Variants in UBR3 observed in about 807,000 individuals in gnomAD.
UBR3 encodes the protein ubiquitin protein ligase E3 component n-recognin 3.
UBR3 carries 85 observed loss-of-function variants against 243.2 expected under a neutral mutation model. That is an observed-to-expected ratio of 0.35 (90% CI 0.29 to 0.42). UBR3 has a LOEUF of 0.42. Ranked by LOEUF, UBR3 falls within the 10% of genes least tolerant of loss-of-function variation. The pLI, the probability that UBR3 is intolerant of heterozygous loss-of-function variation, is 1.00. For missense variants in UBR3, 1,686 were observed against 2,300.8 expected, an observed-to-expected ratio of 0.73 and a Z score of 5.47; for synonymous variants, 748 against 799.8, an observed-to-expected ratio of 0.94 and a Z score of 1.09.
At chr2:169,950,241 T>G (rs1322228649) in intron 23 of UBR3, among the ~76,000 whole-genome samples, 176 bp downstream of exon 23, 1 of 152,024 alleles carries the variant, frequency 6.6e-6, no homozygotes, top group Admixed American at 6.6e-5. Flanking sequence ...ATGTATTGAG[T>G]TTATTGATGG....
chr2:169,949,366 G>A (rs1452848734), intron 22 of UBR3: 3 of 365,234 alleles, frequency 8.2e-6, no homozygotes, highest in Non-Finnish European at 1.5e-5. Flanking sequence ...GTTTTCAGAA[G>A]GTTGAAAAGG....
intron 1 of UBR3, among the ~76,000 whole-genome samples, chr2:169,871,696 C>T (rs1241622066): frequency 2.2e-5 from 3 of 139,378 alleles, no homozygotes; most frequent in African/African-American, 7.7e-5. Context: ...TGCAATGAGC[C>T]GAGATTGTGC....
intron 1 of UBR3, among the ~76,000 whole-genome samples, chr2:169,856,805 A>G (rs1414658298): frequency 2.0e-5 from 3 of 146,918 alleles, no homozygotes; most frequent in African/African-American, 7.5e-5. Flanking sequence ...TCGGCTTGGC[A>G]TCAGAGGGAG....
chr2:170,045,995 G>A (rs1389496546), intron 32 of UBR3, among the ~76,000 whole-genome samples: 2 of 127,388 alleles, frequency 1.6e-5, no homozygotes, highest in Non-Finnish European at 3.2e-5. Flanking sequence ...TTTGGAGACA[G>A]TTTCTCTCTC....
chr2:169,933,145 T>C, intron 19 of UBR3, 137 bp downstream of exon 19: 1 of 598,438 alleles, frequency 1.7e-6, no homozygotes. Flanking sequence ...AATTTAAGGT[T>C]TAAAAAATAA....
chr2:169,852,850 C>CAAAAA lies in UBR3; in HGVS notation c.546-19362_546-19358dup, dbSNP rs869283640. ...TGGGTGAAAGAGTGAGACTTCATCT[C>CAAAAA]AAAAAAAAAAAAAAAAAAAAAAAAA... On this transcript the variant is annotated intron_variant, in intron 1 of 38. Coordinates refer to ENST00000272793, the MANE Select transcript of UBR3 (RefSeq NM_172070.4). Among the ~76,000 whole-genome samples, 270 of 48,266 alleles carry CAAAAA rather than the reference C, an allele frequency of 5.6e-3. 2 individuals carry two copies. Among genetic ancestry groups the CAAAAA allele is most frequent in the African/African-American group, 9.2e-3 (96 of 10,482 alleles). 31.7% of individuals were successfully genotyped at this position (48,266 alleles called of 152,430 possible).
intron 1 of UBR3, among the ~76,000 whole-genome samples, chr2:169,862,182 G>A (rs961895457): frequency 6.6e-6 from 1 of 151,804 alleles, no homozygotes; most frequent in Non-Finnish European, 1.5e-5. Flanking sequence ...TGTGCATGCC[G>A]TAATTTAATT....
chr2:170,070,690 C>T (rs1439507195), intron 35 of UBR3, among the ~76,000 whole-genome samples: 1 of 151,982 alleles, frequency 6.6e-6, no homozygotes, highest in African/African-American at 2.4e-5. Flanking sequence ...TAGCAGTGAG[C>T]AATCTGAAAA....
intron 36 of UBR3, chr2:170,077,607 A>G (rs1158721652): frequency 4.0e-6 from 2 of 496,386 alleles, no homozygotes; most frequent in African/African-American, 2.0e-5. Flanking sequence ...TAACTTTGAG[A>G]CAGAGTCTCA....
At chr2:169,985,091 G>A (rs1390594157) in intron 24 of UBR3, among the ~76,000 whole-genome samples, 1 of 151,862 alleles carries the variant, frequency 6.6e-6, no homozygotes, top group Non-Finnish European at 1.5e-5. Flanking sequence ...ACGAGACTGA[G>A]TTATTTCACT....
chr2:169,900,996 T>C (rs1355450783), intron 8 of UBR3, among the ~76,000 whole-genome samples: 2 of 152,220 alleles, frequency 1.3e-5, no homozygotes, highest in Non-Finnish European at 2.9e-5. Flanking sequence ...ACCCTTTTTG[T>C]AAACTACATG....
chr2:169,985,224 C>CTTTT (rs71006060), intron 24 of UBR3, among the ~76,000 whole-genome samples: 26 of 113,084 alleles, frequency 2.3e-4, no homozygotes, highest in Non-Finnish European at 3.1e-4. Context: ...CAACTCTTTT[C>CTTTT]TTTTTTTTTT....
At position 170,029,456 on chromosome 2, in the gene UBR3, T is replaced by C; in HGVS notation, c.4556+8T>C. On this transcript the variant is annotated splice_region_variant and intron_variant, in intron 31 of 38. Coordinates refer to ENST00000272793, the MANE Select transcript of UBR3 (RefSeq NM_172070.4). ...AGAAGAGATGAATCCACAGTAAGTA[T>C]AATTGAAAGACTAAAATCAATTAAA... 6.3e-7 allele frequency: 1 copy of C among 1,583,760 alleles called. No individual in the cohort carries two copies. Among genetic ancestry groups the C allele is most frequent in the South Asian group, 1.2e-5 (1 of 86,540 alleles).
chr2:169,875,693 A>T, intron 2 of UBR3, 98 bp from the exon 3 acceptor site: 3 of 1,097,486 alleles, frequency 2.7e-6, no homozygotes, highest in Non-Finnish European at 3.7e-6. Flanking sequence ...ACTATAATTT[A>T]AGCCATTATA....
At chr2:169,958,548 A>G in intron 24 of UBR3, 22 bp downstream of exon 24, 2 of 1,597,622 alleles carry the variant, frequency 1.3e-6, no homozygotes, top group Non-Finnish European at 1.7e-6. Flanking sequence ...TTATTAGTTT[A>G]GAACTCTCAT....
chr2:169,945,998 G>T (rs1454827130), intron 20 of UBR3, among the ~76,000 whole-genome samples: 1 of 152,160 alleles, frequency 6.6e-6, no homozygotes, highest in East Asian at 1.9e-4. Flanking sequence ...AAACACATTT[G>T]CATGGATTAT....
intron 36 of UBR3, among the ~76,000 whole-genome samples, chr2:170,074,878 C>T (rs891068421): frequency 2.6e-5 from 4 of 152,064 alleles, no homozygotes; most frequent in Non-Finnish European, 5.9e-5. Flanking sequence ...TATTTATCCC[C>T]GGTTTCTAGA....
chr2:169,872,359 A>G lies in UBR3; in HGVS notation c.669A>G (p.Glu223=). 1 of 1,477,434 alleles carries G rather than the reference A, an allele frequency of 6.8e-7. No individual in the cohort carries two copies. Among genetic ancestry groups the G allele is most frequent in the South Asian group, 1.3e-5 (1 of 75,094 alleles). 91.5% of individuals were successfully genotyped at this position (1,477,434 alleles called of 1,614,324 possible). ...FIFCLIQYLR[E]GYNEPAADGP... is the part of the protein sequence containing the mutation. ...TTTGTCTTATTCAGTACTTAAGAGA[A>G]GGCTATAATGAACCAGGTATGTTTT... The change falls in exon 2 of 39, where the codon GAA becomes GAG. Residue 223 remains glutamate, a synonymous_variant. Coordinates refer to ENST00000272793, the MANE Select transcript of UBR3 (RefSeq NM_172070.4).
At chr2:169,850,621 G>A (rs888159965) in intron 1 of UBR3, among the ~76,000 whole-genome samples, 3 of 152,184 alleles carry the variant, frequency 2.0e-5, no homozygotes, top group African/African-American at 4.8e-5. Context: ...GAGGCGGGTG[G>A]ATCACGAGGT....
Sources: allele counts gnomAD v4.1 joint callset (sites outside exome capture counted in the v4.1 genomes callset), GRCh38; gene constraint gnomAD v4.1.1; transcripts MANE v1.5; gene names NCBI Gene and HGNC (gene_info 2026-07-23, HGNC 2026-07-21).